OPCML: variants seen among roughly 807,000 people sequenced by gnomAD.
OPCML encodes the protein opioid-binding protein/cell adhesion molecule.
A neutral mutation model predicts 37.8 loss-of-function variants in OPCML; 13 were observed. The ratio of observed to expected loss-of-function variants is 0.34; its 90% CI spans 0.22 to 0.55. OPCML has a LOEUF of 0.55. Ranked by LOEUF, OPCML falls within the 20% of genes least tolerant of loss-of-function variation. The pLI, the probability that OPCML is intolerant of heterozygous loss-of-function variation, is 0.91. For synonymous variants in OPCML, 176 were observed against 168.8 expected, an observed-to-expected ratio of 1.04 and a Z score of -0.33; for missense variants, 341 against 435.6, an observed-to-expected ratio of 0.78 and a Z score of 1.93.
intron 1 of OPCML, among the ~76,000 whole-genome samples, chr11:133,306,077 A>G (rs1942908240): frequency 6.6e-6 from 1 of 152,204 alleles, no homozygotes; most frequent in East Asian, 1.9e-4. Flanking sequence ...TATCTTAAGT[A>G]TTGCAATGCA....
At chr11:132,924,922 A>G (rs925781935) in intron 2 of OPCML, among the ~76,000 whole-genome samples, 1 of 152,046 alleles carries the variant, frequency 6.6e-6, no homozygotes, top group Non-Finnish European at 1.5e-5. Flanking sequence ...ATCTTCTGTT[A>G]TGATCCCACA....
chr11:132,699,499 T>C (rs1485340377), intron 2 of OPCML, among the ~76,000 whole-genome samples: 1 of 152,102 alleles, frequency 6.6e-6, no homozygotes, highest in African/African-American at 2.4e-5. Context: ...ATATATGGAC[T>C]TTATAATATT....
At chr11:133,475,591 C>T (rs1412882334) in intron 1 of OPCML, among the ~76,000 whole-genome samples, 1 of 152,200 alleles carries the variant, frequency 6.6e-6, no homozygotes, top group Non-Finnish European at 1.5e-5. Context: ...CTTCACAGAG[C>T]TGAGATTGCA....
intron 1 of OPCML, among the ~76,000 whole-genome samples, chr11:133,334,000 TG>T (rs1310575172): frequency 3.9e-5 from 6 of 152,188 alleles, no homozygotes; most frequent in African/African-American, 1.2e-4. Context: ...TAACAGATGC[TG>T]GTGAGGTTGT....
chr11:132,682,591 C>A (rs534304177), intron 2 of OPCML, among the ~76,000 whole-genome samples: 6 of 152,294 alleles, frequency 3.9e-5, no homozygotes, highest in Admixed American at 1.3e-4. Flanking sequence ...TTATGGCAAA[C>A]TCAAAGCAGT....
intron 1 of OPCML, among the ~76,000 whole-genome samples, chr11:133,480,320 G>T (rs759528973): frequency 7.9e-5 from 12 of 152,182 alleles, no homozygotes; most frequent in Non-Finnish European, 1.2e-4. Context: ...TGGTCCGGAG[G>T]GTTGCCTGCC....
rs908417786 is a variant in OPCML at position 133,348,983 on chromosome 11, G to A, written c.61+183281C>T. 3.9e-5 allele frequency among the ~76,000 whole-genome samples: 6 copies of A among 152,200 alleles called. No homozygotes were observed. The East Asian group carries it at 9.6e-4, about 24-fold the overall frequency. ...CAGGCCTGGGTGTGATCTAAGCTGT[G>A]TGTCATAGGGGTGCGGGGGCTTCGT... On this transcript the variant is annotated intron_variant, in intron 1 of 7. Coordinates refer to ENST00000524381, the MANE Select transcript of OPCML (RefSeq NM_001012393.5).
intron 2 of OPCML, among the ~76,000 whole-genome samples, chr11:132,699,143 C>T (rs1020500747): frequency 2.0e-5 from 3 of 151,614 alleles, no homozygotes; most frequent in African/African-American, 7.3e-5. Flanking sequence ...GTTGTTTCAA[C>T]TTCTTTTTGA....
chr11:132,721,983 T>G (rs1944689122), intron 2 of OPCML, among the ~76,000 whole-genome samples: 1 of 120,880 alleles, frequency 8.3e-6, no homozygotes, highest in African/African-American at 3.2e-5. Context: ...TGAGATGGAG[T>G]CTTGCTCTGT....
intron 1 of OPCML, among the ~76,000 whole-genome samples, chr11:133,144,595 C>G (rs183717066): frequency 4.7e-4 from 71 of 152,304 alleles, no homozygotes; most frequent in Middle Eastern, 3.4e-3. Context: ...GGCCAGCACA[C>G]AGTCAAAGCT....
In OPCML at chr11:132,942,943, C is replaced by A; in HGVS notation, c.129G>T (p.Gly43=). Residue 43 remains glycine (G), a synonymous_variant, in exon 2 of 8, where the codon GGG becomes GGT. Transcript: ENST00000524381. ...CTCCCTACCTGAGGGTGGCGCTCTCCCCCTGCCGGACCGTCACGTTGTCCA... is the reference window on the plus strand; with the variant it reads ...CTCCCTACCTGAGGGTGGCGCTCTCACCCTGCCGGACCGTCACGTTGTCCA... ...KAMDNVTVRQ[G]ESATLRCTID... is the part of the protein sequence containing the mutation. 1 of 1,614,102 alleles carries A rather than the reference C, an allele frequency of 6.2e-7. No individual in the cohort carries two copies. The highest frequency in any genetic ancestry group is 1.1e-5 in the South Asian group (1 of 91,080).
At chr11:133,161,400 A>T (rs1046807101) in intron 1 of OPCML, among the ~76,000 whole-genome samples, 12 of 152,198 alleles carry the variant, frequency 7.9e-5, no homozygotes, top group Non-Finnish European at 1.5e-4. Flanking sequence ...AGAAGATAAG[A>T]TTCCTGGTAG....
chr11:133,221,396 C>G (rs763952518), intron 1 of OPCML, among the ~76,000 whole-genome samples: 2 of 152,242 alleles, frequency 1.3e-5, no homozygotes, highest in African/African-American at 4.8e-5. Context: ...TGAGCAAAGT[C>G]GCTTGGTCTG....
intron 3 of OPCML, among the ~76,000 whole-genome samples, chr11:132,629,772 G>T (rs1404820928): frequency 2.6e-5 from 4 of 151,884 alleles, no homozygotes; most frequent in Non-Finnish European, 5.9e-5. Context: ...AAAGAAAACT[G>T]GAAAACATAT....
chr11:132,945,606 A>G (rs1173366275), intron 1 of OPCML, among the ~76,000 whole-genome samples: 1 of 152,152 alleles, frequency 6.6e-6, no homozygotes, highest in African/African-American at 2.4e-5. Flanking sequence ...TTATCAAAAC[A>G]TATTTTTCTT....
At chr11:133,446,823 T>C (rs1946483585) in intron 1 of OPCML, among the ~76,000 whole-genome samples, 1 of 152,238 alleles carries the variant, frequency 6.6e-6, no homozygotes, top group Admixed American at 6.5e-5. Flanking sequence ...GGCTTTTTTA[T>C]ACAGCATAAG....
intron 1 of OPCML, among the ~76,000 whole-genome samples, chr11:133,280,016 T>C (rs1168452368): frequency 6.6e-6 from 1 of 152,146 alleles, no homozygotes; most frequent in Admixed American, 6.5e-5. Context: ...GAGAAGTAGA[T>C]TTGGACAGGG....
Position 133,211,516 on chromosome 11 carries a change from GT to G in OPCML, c.62-268507del, listed in dbSNP as rs147054840. ...CCTCCTCAGACACTGTTGCATATAA[GT>G]CAGAGGAGGGGCTTTGAAAACTTGA... is the stretch of plus-strand genomic sequence containing the variant. On this transcript the variant is annotated intron_variant, in intron 1 of 7. Transcript: ENST00000524381. This position sits in a 1 kb window ranked among gnomAD's most constrained non-coding sequence, Gnocchi z 4.1. Among the ~76,000 whole-genome samples the G allele has an allele frequency of 0.027, 4,166 of 152,252 alleles. 166 individuals carry two copies. The highest frequency in any genetic ancestry group is 0.096 in the African/African-American group (3,997 of 41,512).
chr11:133,069,614 T>A (rs2137006162), intron 1 of OPCML, among the ~76,000 whole-genome samples: 1 of 152,330 alleles, frequency 6.6e-6, no homozygotes, highest in South Asian at 2.1e-4. Context: ...GCTACATGTG[T>A]GCCCTAAAAC....
Sources: gnomAD v4.1 joint callset for allele counts (sites outside exome capture counted in the v4.1 genomes callset) on GRCh38, gnomAD v4.1.1 for gene constraint, Gnocchi (gnomAD v3.1) non-coding constraint, MANE v1.5 for transcripts, NCBI Gene and HGNC (gene_info 2026-07-23, HGNC 2026-07-21) for gene names.